Variants in SEC14L1 observed in about 807,000 individuals in gnomAD.
SEC14L1 encodes the protein SEC14-like protein 1.
A neutral mutation model predicts 85.3 loss-of-function variants in SEC14L1; 48 were observed. That is an observed-to-expected ratio of 0.56 (90% confidence interval 0.45 to 0.72). SEC14L1 has a LOEUF of 0.72. Among genes scored for constraint, SEC14L1 ranks in the 30% least tolerant of loss-of-function variants. The pLI is 0.00. For missense variants in SEC14L1, 682 were observed against 921.4 expected, an observed-to-expected ratio of 0.74 and a Z score of 3.36; for synonymous variants, 391 against 355.5, an observed-to-expected ratio of 1.10 and a Z score of -1.12.
chr17:77,193,251 G>C, intron 5 of SEC14L1, 170 bp from the exon 6 acceptor site: 1 of 515,640 alleles, frequency 1.9e-6, no homozygotes. Context: ...ATGTGCTTTT[G>C]ATCCTGATTT....
chr17:77,140,518 G>C (rs570876171), upstream of SEC14L1, among the ~76,000 whole-genome samples: 2 of 152,378 alleles, frequency 1.3e-5, no homozygotes, highest in South Asian at 4.1e-4. Flanking sequence ...ACCAGAGGCA[G>C]GCCTCAGAGC....
chr17:77,089,754 G>A (rs573305204), intron 2 of SEC14L1: 78 of 243,348 alleles, frequency 3.2e-4, no homozygotes, highest in South Asian at 1.7e-3. Context: ...AGTGGCTCAT[G>A]CCTGTAATCC....
chr17:77,095,684 G>A (rs948293997), intron 3 of SEC14L1, among the ~76,000 whole-genome samples: 1 of 152,068 alleles, frequency 6.6e-6, no homozygotes, highest in Admixed American at 6.6e-5. Flanking sequence ...AGGTGTCGTG[G>A]CAGGCACCTG....
intron 3 of SEC14L1, among the ~76,000 whole-genome samples, chr17:77,189,345 G>C (rs575142730): frequency 6.6e-6 from 1 of 152,098 alleles, no homozygotes; most frequent in South Asian, 2.1e-4. Context: ...TGGCCCATTT[G>C]GGGGATTTGC....
At chr17:77,200,796 C>G in intron 9 of SEC14L1, 123 bp downstream of exon 9, 1 of 924,536 alleles carries the variant, frequency 1.1e-6, no homozygotes, top group African/African-American at 1.7e-5. Context: ...TCTCCTCACT[C>G]TGAGAATTTG....
chr17:77,210,438 T>A (rs532600481), intron 14 of SEC14L1: 1 of 152,728 alleles, frequency 6.5e-6, no homozygotes, highest in South Asian at 2.1e-4. Flanking sequence ...AGAGCAGGTG[T>A]CAGTGAGGAT....
chr17:77,125,444 T>TC (rs1972421122), intron 3 of SEC14L1, among the ~76,000 whole-genome samples: 1 of 151,872 alleles, frequency 6.6e-6, no homozygotes, highest in Admixed American at 6.6e-5. Context: ...TTTTTTTTTT[T>TC]CCTTTCCCCT....
At position 77,215,892 on chromosome 17, in the gene SEC14L1, C is replaced by G. The variant is rs878937132; in HGVS notation, c.*1869C>G. The G allele has an allele frequency of 1.1e-6, 1 of 918,004 alleles. No individual in the cohort carries two copies. Among genetic ancestry groups the G allele is most frequent in the African/African-American group, 2.7e-5 (1 of 37,626 alleles). The allele number at this position is 918,004 out of a possible 1,614,324, so 56.9% of individuals were successfully genotyped here. A position where few individuals can be genotyped will look rare whatever the true frequency, so the allele number is the denominator to read the frequency against. ...GTAGGTAGGGTTCGTAGGTAGGGTT[C>G]GTAGGTAGGGCTAGTAGGTAGGGTT... On this transcript the variant is annotated 3_prime_UTR_variant, in exon 17 of 17. Transcript: ENST00000436233.
chr17:77,201,266 G>A (rs974568151), intron 9 of SEC14L1, among the ~76,000 whole-genome samples: 5 of 152,162 alleles, frequency 3.3e-5, no homozygotes, highest in African/African-American at 1.2e-4. Context: ...ACTCTTTCCT[G>A]AGCCAAAGTT....
Position 77,164,632 on chromosome 17 carries a change from T to C in SEC14L1, c.63+20973T>C, listed in dbSNP as rs8070094. ...CCATATGCCTCCCCGGTTTGTGTCT[T>C]AGTCCTAGAATGACAGTGCTGGAGG... On this transcript the variant is annotated intron_variant, in intron 3 of 16. Coordinates refer to ENST00000436233, the MANE Select transcript of SEC14L1 (RefSeq NM_001143998.2). Among the ~76,000 whole-genome samples, 244 of 152,332 alleles carry C rather than the reference T, an allele frequency of 1.6e-3. 2 individuals are homozygous for C. The highest frequency in any genetic ancestry group is 5.6e-3 in the African/African-American group (233 of 41,570).
Position 77,215,482 on chromosome 17 carries a change from T to G in SEC14L1, c.*1459T>G. ...CGCTCTGAAGGCACTGTGTGGGTGC[T>G]GCGTGACTGGAGAGCTGTGTGGAGG... On this transcript the variant is annotated 3_prime_UTR_variant, in exon 17 of 17. Coordinates refer to ENST00000436233, the MANE Select transcript of SEC14L1 (RefSeq NM_001143998.2). 2.0e-6 allele frequency: 2 copies of G among 985,700 alleles called. No individual in the cohort carries two copies. Among genetic ancestry groups the G allele is most frequent in the Non-Finnish European group, 2.4e-6 (2 of 830,154 alleles). 61.1% of individuals were successfully genotyped at this position (985,700 alleles called of 1,614,324 possible).
In SEC14L1 at chr17:77,160,282, A is replaced by G. The variant is rs892664872; in HGVS notation, c.63+16623A>G. ...ACCAAATGCTTTTCTGAAGTCCACA[A>G]ATTTCTCTTTTACACTCTGGAAAGT... On this transcript the variant is annotated intron_variant, in intron 3 of 16. Transcript: ENST00000436233. 1.5e-4 allele frequency among the ~76,000 whole-genome samples: 23 copies of G among 152,360 alleles called. No individual in the cohort carries two copies. The East Asian group carries it at 2.1e-3, about 14-fold the overall frequency.
chr17:77,123,412 C>CCCTTTTTTTTTT (rs1972353209), intron 3 of SEC14L1, among the ~76,000 whole-genome samples: 1 of 21,102 alleles, frequency 4.7e-5, no homozygotes, highest in Non-Finnish European at 8.3e-5. Context: ...CCCAGGCCCA[C>CCCTTTTTTTTTT]TCTTTTTTTT....
chr17:77,135,054 G>GAC (rs1194032926), intron 3 of SEC14L1, among the ~76,000 whole-genome samples: 2 of 152,130 alleles, frequency 1.3e-5, no homozygotes, highest in Admixed American at 6.5e-5. Context: ...GTCTAGCAAG[G>GAC]ACACCAGTGG....
chr17:77,209,619 T>C, intron 14 of SEC14L1, 143 bp downstream of exon 14: 1 of 835,032 alleles, frequency 1.2e-6, no homozygotes, highest in Non-Finnish European at 1.8e-6. Flanking sequence ...TGACACTCGA[T>C]ATTTAGTTTC....
At chr17:77,101,327 C>T (rs1971773798) in intron 3 of SEC14L1, among the ~76,000 whole-genome samples, 1 of 151,960 alleles carries the variant, frequency 6.6e-6, no homozygotes, top group South Asian at 2.1e-4. Context: ...ATTACAGGCG[C>T]ACACCACGCC....
At chr17:77,124,275 G>A (rs528806344) in intron 3 of SEC14L1, among the ~76,000 whole-genome samples, 1 of 152,252 alleles carries the variant, frequency 6.6e-6, no homozygotes, top group South Asian at 2.1e-4. Context: ...GAGGGGGGAG[G>A]ATCATTTGCG....
At chr17:77,192,585 A>G (rs1975599763) in intron 5 of SEC14L1, among the ~76,000 whole-genome samples, 1 of 150,452 alleles carries the variant, frequency 6.6e-6, no homozygotes, top group Non-Finnish European at 1.5e-5. Flanking sequence ...ACCTCCTCCC[A>G]TCTCGGCTCA....
intron 3 of SEC14L1, among the ~76,000 whole-genome samples, chr17:77,148,584 GTC>G (rs1465750683): frequency 6.6e-6 from 1 of 152,172 alleles, no homozygotes; most frequent in African/African-American, 2.4e-5. Flanking sequence ...CCCCTTCAGT[GTC>G]TCTGTCCCTT....
Sources: gnomAD v4.1 joint callset for allele counts (sites outside exome capture counted in the v4.1 genomes callset) on GRCh38, gnomAD v4.1.1 for gene constraint, MANE v1.5 for transcripts, NCBI Gene and HGNC (gene_info 2026-07-23, HGNC 2026-07-21) for gene names.